KCNJ6: variants seen among roughly 807,000 people sequenced by gnomAD.
The protein encoded by KCNJ6 is G protein-activated inward rectifier potassium channel 2.
A neutral mutation model predicts 34.2 loss-of-function variants in KCNJ6; 9 were observed. That is an observed-to-expected ratio of 0.26 (90% confidence interval 0.16 to 0.46). The LOEUF (loss-of-function observed/expected upper bound fraction) is 0.46. Among genes scored for constraint, KCNJ6 ranks in the 20% least tolerant of loss-of-function variants. The pLI is 1.00. For synonymous variants in KCNJ6, 196 were observed against 207.1 expected (o/e 0.95, Z 0.46); for missense variants, 236 against 531.3 (o/e 0.44, Z 5.46).
At chr21:37,828,305 C>T (rs980424509) in intron 2 of KCNJ6, among the ~76,000 whole-genome samples, 1 of 152,160 alleles carries the variant, frequency 6.6e-6, no homozygotes, top group Non-Finnish European at 1.5e-5. Flanking sequence ...TTTTTCCTCT[C>T]TGGGAAGCCA....
At chr21:37,870,094 C>T (rs1038513532) in intron 1 of KCNJ6, among the ~76,000 whole-genome samples, 2 of 152,184 alleles carry the variant, frequency 1.3e-5, no homozygotes, top group African/African-American at 4.8e-5. Context: ...TGCATAGAAA[C>T]ATATTTCCTG....
intron 1 of KCNJ6, among the ~76,000 whole-genome samples, chr21:37,885,632 A>G (rs1243078776): frequency 6.6e-6 from 1 of 152,192 alleles, no homozygotes; most frequent in Non-Finnish European, 1.5e-5. Flanking sequence ...CAGTCCCAGG[A>G]GGGGAGCACA....
intron 2 of KCNJ6, among the ~76,000 whole-genome samples, chr21:37,725,303 G>T (rs2054848625): frequency 6.6e-6 from 1 of 152,164 alleles, no homozygotes. Flanking sequence ...TGAGGCAAGA[G>T]AATCGCTTGA....
intron 2 of KCNJ6, among the ~76,000 whole-genome samples, chr21:37,816,835 G>A (rs1229380735): frequency 6.6e-6 from 1 of 152,136 alleles, no homozygotes; most frequent in Non-Finnish European, 1.5e-5. Flanking sequence ...TCTTAGGCCG[G>A]TCCATAGAGA....
intron 3 of KCNJ6, among the ~76,000 whole-genome samples, chr21:37,693,935 TA>T (rs200400232): frequency 0.41 from 59,827 of 144,466 alleles, 12,396 homozygotes; most frequent in African/African-American, 0.52. Flanking sequence ...ATTTTTTTTT[TA>T]AAAAAAACAA....
In KCNJ6 at chr21:37,714,841, A is replaced by G; in HGVS notation, c.316T>C (p.Phe106Leu). ...FVMVYTVTWL[F>L]FGMIWWLIAY... is the part of the protein sequence containing the mutation. ...ATCAACCACCAGATCATTCCAAAAA[A>G]GAGCCAGGTCACTGTGTAAACCATG... The change falls in exon 3 of 4, where the codon TTT becomes CTT. Residue 106 changes from phenylalanine to leucine, a missense_variant. Transcript: ENST00000609713. The surrounding 1 kb of genome is among the most constrained non-coding windows in gnomAD (Gnocchi z 5.9). 1 of 1,614,284 alleles carries G rather than the reference A, an allele frequency of 6.2e-7. No homozygotes were observed. Among genetic ancestry groups the G allele is most frequent in the Non-Finnish European group, 8.5e-7 (1 of 1,180,060 alleles).
chr21:37,910,167 G>A (rs532110505), intron 1 of KCNJ6, among the ~76,000 whole-genome samples: 2 of 152,076 alleles, frequency 1.3e-5, no homozygotes, highest in South Asian at 2.1e-4. Context: ...AGAATAATAC[G>A]CCTTTGTTTT....
intron 1 of KCNJ6, among the ~76,000 whole-genome samples, chr21:37,894,381 T>G (rs2055777592): frequency 6.6e-6 from 1 of 152,074 alleles, no homozygotes; most frequent in Non-Finnish European, 1.5e-5. Flanking sequence ...AAATCAACAC[T>G]TGGCTGGGTG....
At chr21:37,799,673 A>G (rs1322339830) in intron 2 of KCNJ6, among the ~76,000 whole-genome samples, 1 of 152,152 alleles carries the variant, frequency 6.6e-6, no homozygotes, top group Non-Finnish European at 1.5e-5. Flanking sequence ...CTACTCAAAT[A>G]TTTGTTCTAA....
chr21:37,897,007 A>G (rs2055792018), intron 1 of KCNJ6, among the ~76,000 whole-genome samples: 1 of 152,222 alleles, frequency 6.6e-6, no homozygotes, highest in Admixed American at 6.5e-5. Flanking sequence ...GGCTCCTGCC[A>G]GAGCCAGGAG....
chr21:37,774,623 G>A (rs2055133515), intron 2 of KCNJ6, among the ~76,000 whole-genome samples: 1 of 150,868 alleles, frequency 6.6e-6, no homozygotes, highest in African/African-American at 2.4e-5. Flanking sequence ...CCTTGCCATA[G>A]TTTGCTGAGA....
chr21:37,897,030 C>T (rs555592444), intron 1 of KCNJ6, among the ~76,000 whole-genome samples: 1 of 152,220 alleles, frequency 6.6e-6, no homozygotes, highest in Non-Finnish European at 1.5e-5. Flanking sequence ...CAGCTGGTAG[C>T]TGGTTCGTGT....
chr21:37,764,092 G>C (rs542855541), intron 2 of KCNJ6, among the ~76,000 whole-genome samples: 7 of 152,312 alleles, frequency 4.6e-5, no homozygotes, highest in Admixed American at 4.6e-4. Flanking sequence ...TTAACATGCA[G>C]GTGAGTCATA....
intron 3 of KCNJ6, among the ~76,000 whole-genome samples, chr21:37,701,770 C>T (rs1423405768): frequency 6.6e-6 from 1 of 152,088 alleles, no homozygotes; most frequent in East Asian, 1.9e-4. Context: ...GATTGGAAAC[C>T]CATGTGGCTG....
chr21:37,697,012 C>G (rs537446398), intron 3 of KCNJ6, among the ~76,000 whole-genome samples: 1 of 152,342 alleles, frequency 6.6e-6, no homozygotes, highest in African/African-American at 2.4e-5. Context: ...CCTCAATGAA[C>G]TCTCCTGTGG....
At chr21:37,866,561 G>C (rs2055623776) in intron 1 of KCNJ6, among the ~76,000 whole-genome samples, 1 of 152,228 alleles carries the variant, frequency 6.6e-6, no homozygotes, top group African/African-American at 2.4e-5. Context: ...TGAGGCCAGG[G>C]TTGCATTCAA....
At chr21:37,686,888 G>A (rs950496396) in intron 3 of KCNJ6, among the ~76,000 whole-genome samples, 1 of 152,082 alleles carries the variant, frequency 6.6e-6, no homozygotes, top group Non-Finnish European at 1.5e-5. Context: ...GGAAGGCAGG[G>A]GTTGAAAAAA....
At chr21:37,786,937 T>G (rs2055195483) in intron 2 of KCNJ6, among the ~76,000 whole-genome samples, 1 of 152,212 alleles carries the variant, frequency 6.6e-6, no homozygotes, top group South Asian at 2.1e-4. Context: ...ATTCTATTTT[T>G]CCAGCAGACA....
intron 1 of KCNJ6, among the ~76,000 whole-genome samples, chr21:37,881,885 T>C (rs916028554): frequency 6.6e-6 from 1 of 152,160 alleles, no homozygotes; most frequent in Non-Finnish European, 1.5e-5. Context: ...GTCCTGACAG[T>C]TGCCTTCAGG....
Sources: gnomAD v4.1 joint callset for allele counts (sites outside exome capture counted in the v4.1 genomes callset) on GRCh38, gnomAD v4.1.1 for gene constraint, Gnocchi (gnomAD v3.1) non-coding constraint, MANE v1.5 for transcripts, NCBI Gene and HGNC (gene_info 2026-07-23, HGNC 2026-07-21) for gene names.